The following ALPK2 variants were observed in gnomAD, a reference collection of about 807,000 sequenced individuals.
The protein encoded by ALPK2 is alpha-protein kinase 2.
A neutral mutation model predicts 163.1 loss-of-function variants in ALPK2; 127 were observed. The ratio of observed to expected loss-of-function variants is 0.78; its 90% CI spans 0.67 to 0.90. The LOEUF is 0.90. Ranked by LOEUF, ALPK2 falls within the 40% of genes least tolerant of loss-of-function variation. The probability of loss-of-function intolerance (pLI) is 0.00; values close to 1 mark genes in which losing one functional copy is unlikely to be tolerated. For synonymous variants in ALPK2, 953 were observed against 959.1 expected (o/e 0.99, Z 0.12); for missense variants, 2,360 against 2,589.6 (o/e 0.91, Z 1.92).
At chr18:58,547,512 G>A (rs755246819) in intron 4 of ALPK2, among the ~76,000 whole-genome samples, 5 of 152,296 alleles carry the variant, frequency 3.3e-5, no homozygotes, top group African/African-American at 4.8e-5. Context: ...CTGTGTTGGC[G>A]TATAGACCCT....
intron 2 of ALPK2, among the ~76,000 whole-genome samples, chr18:58,609,159 G>A (rs1437567683): frequency 6.7e-6 from 1 of 148,250 alleles, no homozygotes; most frequent in Non-Finnish European, 1.5e-5. Context: ...CCATGAATGC[G>A]CTTTTTTGGC....
chr18:58,489,210 G>A (rs2051358173), intron 12 of ALPK2, among the ~76,000 whole-genome samples: 1 of 152,170 alleles, frequency 6.6e-6, no homozygotes, highest in Non-Finnish European at 1.5e-5. Flanking sequence ...GGCACGTTGT[G>A]AGCCAGAGCA....
In ALPK2 at chr18:58,536,361, G is replaced by GTA. The variant is rs748785417; in HGVS notation, c.3824_3825dup (p.Pro1276TyrfsTer5). Reference sequence around the variant, plus strand: ...ACAGCATCTGCCTTTAGACTATCAGGTACAGCCCAGACCTTGTCAGGAATT... The same window carrying GTA: ...ACAGCATCTGCCTTTAGACTATCAGGTATACAGCCCAGACCTTGTCAGGAATT... On this transcript the variant is annotated frameshift_variant, in exon 5 of 13. Coordinates refer to ENST00000361673, the MANE Select transcript of ALPK2 (RefSeq NM_052947.4). The GTA allele has an allele frequency of 6.2e-7, 1 of 1,614,166 alleles. No homozygotes were observed. Among genetic ancestry groups the GTA allele is most frequent in the South Asian group, 1.1e-5 (1 of 91,072 alleles).
At chr18:58,504,280 A>G (rs2051450314) in intron 10 of ALPK2, 132 bp from the exon 11 acceptor site, 6 of 686,998 alleles carry the variant, frequency 8.7e-6, no homozygotes, top group Admixed American at 2.9e-5. Flanking sequence ...TTAGACTACA[A>G]ATCCATCCAA....
chr18:58,600,027 CTTTTTTTTTTTT>C (rs1166291584), intron 3 of ALPK2, among the ~76,000 whole-genome samples: 1 of 66,848 alleles, frequency 1.5e-5, no homozygotes, highest in Non-Finnish European at 2.6e-5. Flanking sequence ...ATGGGGATAT[CTTTTTTTTTTTT>C]TTTTTTTTTT....
intron 4 of ALPK2, among the ~76,000 whole-genome samples, chr18:58,566,306 C>G (rs934728858): frequency 6.6e-6 from 1 of 152,098 alleles, no homozygotes; most frequent in African/African-American, 2.4e-5. Flanking sequence ...TATTTCTATC[C>G]ATAAACCAAA....
At chr18:58,575,596 T>G (rs1023999775) in intron 4 of ALPK2, among the ~76,000 whole-genome samples, 2 of 152,196 alleles carry the variant, frequency 1.3e-5, no homozygotes, top group African/African-American at 4.8e-5. Context: ...CTAGTGTGGC[T>G]GCCGAGAAAC....
At chr18:58,559,647 TC>T (rs934498623) in intron 4 of ALPK2, among the ~76,000 whole-genome samples, 1 of 152,166 alleles carries the variant, frequency 6.6e-6, no homozygotes, top group Non-Finnish European at 1.5e-5. Context: ...GGCCTGACCT[TC>T]TGAGGCTTCT....
intron 11 of ALPK2, among the ~76,000 whole-genome samples, chr18:58,501,130 A>G (rs1304211297): frequency 6.6e-6 from 1 of 152,244 alleles, no homozygotes; most frequent in African/African-American, 2.4e-5. Flanking sequence ...ATCAACAGAG[A>G]GTAAATAAAC....
At chr18:58,603,974 C>T (rs2144223998) in intron 3 of ALPK2, among the ~76,000 whole-genome samples, 1 of 152,274 alleles carries the variant, frequency 6.6e-6, no homozygotes, top group Middle Eastern at 3.4e-3. Context: ...AATCTCTTCC[C>T]CGCCGTCTCA....
intron 2 of ALPK2, among the ~76,000 whole-genome samples, chr18:58,607,845 A>G (rs375126282): frequency 6.6e-6 from 1 of 152,210 alleles, no homozygotes; most frequent in South Asian, 2.1e-4. Context: ...AATGATAACT[A>G]CTGATTTAAA....
At chr18:58,523,712 C>T in intron 8 of ALPK2, 94 bp downstream of exon 8, 1 of 1,513,086 alleles carries the variant, frequency 6.6e-7, no homozygotes, top group East Asian at 2.3e-5. Context: ...TGGAAGAGTC[C>T]AGAGGATTAC....
intron 1 of ALPK2, among the ~76,000 whole-genome samples, chr18:58,623,357 T>G (rs1484056786): frequency 6.6e-6 from 1 of 151,680 alleles, no homozygotes; most frequent in South Asian, 2.1e-4. Flanking sequence ...TTTTTAATGG[T>G]TCTTTATCTA....
At chr18:58,567,591 T>C (rs889454077) in intron 4 of ALPK2, among the ~76,000 whole-genome samples, 1 of 152,114 alleles carries the variant, frequency 6.6e-6, no homozygotes, top group Non-Finnish European at 1.5e-5. Context: ...CCAGGACATG[T>C]TTCTGTAATG....
intron 10 of ALPK2, among the ~76,000 whole-genome samples, chr18:58,506,389 TA>T (rs1299071069): frequency 6.8e-6 from 1 of 147,006 alleles, no homozygotes; most frequent in African/African-American, 2.5e-5. Context: ...AAAATAAAAA[TA>T]AAAACCAACC....
In ALPK2 at chr18:58,626,697, A is replaced by T. The variant is rs139150801; in HGVS notation, c.-21+2067T>A. ...CATCAACTATTTTTAGTAAAAAAAA[A>T]TTTTTTCTTATTTATCATAGATACA... On this transcript the variant is annotated intron_variant, in intron 1 of 12. Coordinates refer to ENST00000361673, the MANE Select transcript of ALPK2 (RefSeq NM_052947.4). Among the ~76,000 whole-genome samples, 800 of 152,220 alleles carry T rather than the reference A, an allele frequency of 5.3e-3. 4 individuals are homozygous for T. The highest frequency in any genetic ancestry group is 0.013 in the African/African-American group (532 of 41,546).
intron 1 of ALPK2, among the ~76,000 whole-genome samples, chr18:58,618,779 C>A (rs1247770570): frequency 2.0e-5 from 3 of 152,156 alleles, no homozygotes; most frequent in African/African-American, 7.2e-5. Flanking sequence ...TCCCCCTTTC[C>A]CCCTGCACCC....
At chr18:58,561,090 A>T (rs1349239327) in intron 4 of ALPK2, among the ~76,000 whole-genome samples, 1 of 152,204 alleles carries the variant, frequency 6.6e-6, no homozygotes, top group African/African-American at 2.4e-5. Context: ...GACAGTGTTC[A>T]ACTTAACATT....
intron 6 of ALPK2, chr18:58,528,791 A>C (rs2051596884): frequency 8.5e-6 from 3 of 354,200 alleles, no homozygotes; most frequent in South Asian, 8.0e-5. Context: ...ACAGAACCTC[A>C]GACTAGAATA....
Sources: allele counts gnomAD v4.1 joint callset (sites outside exome capture counted in the v4.1 genomes callset), GRCh38; gene constraint gnomAD v4.1.1; transcripts MANE v1.5; gene names NCBI Gene and HGNC (gene_info 2026-07-23, HGNC 2026-07-21).